FAM178B: variants seen among roughly 807,000 people sequenced by gnomAD.
FAM178B encodes the protein family with sequence similarity 178 member B, also known as protein FAM178B.
Under a neutral mutation model 91.7 loss-of-function variants are expected in FAM178B, and 82 were observed. The observed-to-expected ratio is 0.89, with a 90% confidence interval of 0.75 to 1.07. The LOEUF (loss-of-function observed/expected upper bound fraction) is 1.07, where lower values mean the gene tolerates loss of function less well. Among genes scored for constraint, FAM178B ranks in the 50% least tolerant of loss-of-function variants. The pLI is 0.00. For missense variants in FAM178B, 769 were observed against 846.7 expected (o/e 0.91, Z 1.14); for synonymous variants, 368 against 359.4 (o/e 1.02, Z -0.27).
chr2:96,986,290 C>G lies in FAM178B; in HGVS notation c.24G>C (p.Ala8=). 2.6e-6 allele frequency: 4 copies of G among 1,534,322 alleles called. No homozygotes were observed. Among genetic ancestry groups the G allele is most frequent in the Non-Finnish European group, 3.5e-6 (4 of 1,146,754 alleles). Residue 8 remains alanine, a synonymous_variant, in exon 1 of 17, where the codon GCG becomes GCC. Transcript: ENST00000490605. The part of the protein sequence containing the change: MWPRLPG[A]GLAPQLRRQD... ...GCCTCCTGAGTTGTGGAGCGAGGCC[C>G]GCACCTGGAAGCCTTGGCCACATAG...
chr2:96,895,900 G>A (rs2080813438), intron 13 of FAM178B, among the ~76,000 whole-genome samples: 1 of 152,254 alleles, frequency 6.6e-6, no homozygotes, highest in Admixed American at 6.5e-5. Context: ...TGGGGGCTAG[G>A]AGTCAGGCCC....
intron 12 of FAM178B, among the ~76,000 whole-genome samples, chr2:96,919,218 T>C (rs2081292600): frequency 6.6e-6 from 1 of 152,180 alleles, no homozygotes; most frequent in Non-Finnish European, 1.5e-5. Context: ...TGTGTGTATG[T>C]GTGAGAAAAA....
chr2:96,925,565 G>A (rs1236322047), intron 9 of FAM178B, among the ~76,000 whole-genome samples: 1 of 152,188 alleles, frequency 6.6e-6, no homozygotes, highest in Non-Finnish European at 1.5e-5. Context: ...GGAATTCAAC[G>A]GCCTATCTAT....
rs1370779075 is a variant in FAM178B at position 96,980,534 on chromosome 2, C to G, written c.73+5707G>C. ...TGCCTTAACTTAGCCTCTTGTGTAG[C>G]TACAACTACAGATTCATGCCATAAT... On this transcript the variant is annotated intron_variant, in intron 1 of 16. Coordinates refer to ENST00000490605, the MANE Select transcript of FAM178B (RefSeq NM_001122646.3). 2.0e-5 allele frequency among the ~76,000 whole-genome samples: 3 copies of G among 152,138 alleles called. No homozygotes were observed. In the East Asian group the frequency reaches 5.8e-4, roughly 29 times the overall value.
chr2:96,933,248 A>T (rs1277663801), intron 8 of FAM178B, among the ~76,000 whole-genome samples: 1 of 152,012 alleles, frequency 6.6e-6, no homozygotes, highest in African/African-American at 2.4e-5. Context: ...GTTTCATAAA[A>T]AAATAAAAAA....
chr2:96,986,361 C>A lies in FAM178B; in HGVS notation c.-48G>T. The stretch of plus-strand genomic sequence containing the variant: ...GGGGTGAGGGAGGGTGGCGGGAATT[C>A]GCACGGCCTCAGAGGACGGGGCCAG... On this transcript the variant is annotated 5_prime_UTR_variant, in exon 1 of 17. Coordinates refer to ENST00000490605, the MANE Select transcript of FAM178B (RefSeq NM_001122646.3). 1 of 1,525,196 alleles carries A rather than the reference C, an allele frequency of 6.6e-7. No homozygotes were observed. The highest frequency in any genetic ancestry group is 8.7e-7 in the Non-Finnish European group (1 of 1,143,028). The allele number at this position is 1,525,196 out of a possible 1,614,324, so 94.5% of individuals were successfully genotyped here. A position where few individuals can be genotyped will look rare whatever the true frequency, so the allele number is the denominator to read the frequency against.
rs1447024787 is a variant in FAM178B, at chr2:96,971,988, C to T, written c.477G>A (p.Leu159=). 1 of 1,562,596 alleles carries T rather than the reference C, an allele frequency of 6.4e-7. No individual in the cohort carries two copies. The highest frequency in any genetic ancestry group is 8.7e-7 in the Non-Finnish European group (1 of 1,153,594). The change falls in exon 3 of 17, where the codon CTG becomes CTA. Residue 159 remains leucine (L), a synonymous_variant. Coordinates refer to ENST00000490605, the MANE Select transcript of FAM178B (RefSeq NM_001122646.3). ...ELPEELEQEH[L]DLDPKRGLAL... ...CCAGGCCCCTCTTCGGGTCCAAGTC[C>T]AGGTGTTCCTGCTCCAACTCCTCGG... is the stretch of plus-strand genomic sequence containing the variant.
chr2:96,948,802 C>T (rs534434897), intron 7 of FAM178B, among the ~76,000 whole-genome samples: 30 of 152,314 alleles, frequency 2.0e-4, no homozygotes, highest in Admixed American at 5.2e-4. Flanking sequence ...CAGCCCTCAC[C>T]AAGTGTCTGC....
intron 7 of FAM178B, among the ~76,000 whole-genome samples, chr2:96,948,654 T>C (rs1330859949): frequency 6.6e-6 from 1 of 152,194 alleles, no homozygotes; most frequent in Non-Finnish European, 1.5e-5. Context: ...AAGTTTGCCT[T>C]GTGGGCACTG....
intron 8 of FAM178B, among the ~76,000 whole-genome samples, chr2:96,930,276 A>ACATACTCAGGTACT (rs2081518583): frequency 6.7e-6 from 1 of 149,464 alleles, no homozygotes; most frequent in Non-Finnish European, 1.5e-5. Context: ...GGAGAACCTT[A>ACATACTCAGGTACT]CATACTCAGG....
At chr2:96,896,653 T>A (rs2080829723) in intron 13 of FAM178B, among the ~76,000 whole-genome samples, 1 of 152,164 alleles carries the variant, frequency 6.6e-6, no homozygotes. Flanking sequence ...ACACAGCATG[T>A]TGCTCCTGGG....
intron 14 of FAM178B, among the ~76,000 whole-genome samples, chr2:96,879,351 G>A (rs992117867): frequency 1.3e-5 from 2 of 152,142 alleles, no homozygotes; most frequent in African/African-American, 2.4e-5. Context: ...TAGAAATGCC[G>A]GCAGGTGACA....
At chr2:96,928,143 A>G (rs993520428) in intron 9 of FAM178B, among the ~76,000 whole-genome samples, 2 of 152,104 alleles carry the variant, frequency 1.3e-5, no homozygotes, top group Admixed American at 1.3e-4. Flanking sequence ...CATGCAGAGG[A>G]ACATCTGCCC....
chr2:96,964,440 A>G (rs181783244), intron 5 of FAM178B, among the ~76,000 whole-genome samples: 1 of 152,260 alleles, frequency 6.6e-6, no homozygotes, highest in Admixed American at 6.5e-5. Flanking sequence ...TACCTCGGCC[A>G]GGCTCACAGA....
rs188970430 is a variant in FAM178B at position 96,936,447 on chromosome 2, C to A, written c.1079-7127G>T. 3.3e-5 allele frequency among the ~76,000 whole-genome samples: 5 copies of A among 150,960 alleles called. No homozygotes were observed. In the East Asian group the frequency reaches 7.8e-4, roughly 23 times the overall value. On this transcript the variant is annotated intron_variant, in intron 8 of 16. Coordinates refer to ENST00000490605, the MANE Select transcript of FAM178B (RefSeq NM_001122646.3). ...CGATCTCCCGACCTTGTGATCTGCC[C>A]GCCTTGGCCTCCCAAAGTGCTGGAT...
At chr2:96,907,571 C>G (rs1031021555) in intron 12 of FAM178B, among the ~76,000 whole-genome samples, 1 of 152,258 alleles carries the variant, frequency 6.6e-6, no homozygotes, top group Non-Finnish European at 1.5e-5. Context: ...CTTCTGCCTC[C>G]GCCCTGTCCC....
chr2:96,957,984 T>C (rs971304081), intron 6 of FAM178B, among the ~76,000 whole-genome samples: 27 of 152,200 alleles, frequency 1.8e-4, no homozygotes, highest in African/African-American at 6.0e-4. Context: ...AGGGCATCAA[T>C]GTAATAAAGT....
At chr2:96,937,126 C>T (rs2081646015) in intron 8 of FAM178B, among the ~76,000 whole-genome samples, 1 of 152,044 alleles carries the variant, frequency 6.6e-6, no homozygotes, top group Admixed American at 6.6e-5. Context: ...AACTCCTGAG[C>T]TCAAGCAATC....
chr2:96,952,460 C>T (rs1016567356), intron 6 of FAM178B, among the ~76,000 whole-genome samples: 9 of 152,198 alleles, frequency 5.9e-5, no homozygotes, highest in African/African-American at 1.9e-4. Context: ...ACCACCCCCT[C>T]GGGCCTCTTC....
Sources: allele counts gnomAD v4.1 joint callset (sites outside exome capture counted in the v4.1 genomes callset), GRCh38; gene constraint gnomAD v4.1.1; transcripts MANE v1.5; gene names NCBI Gene and HGNC (gene_info 2026-07-23, HGNC 2026-07-21).